Variants in SYTL5 observed in about 807,000 individuals in gnomAD.
The protein encoded by SYTL5 is synaptotagmin like 5, also known as synaptotagmin-like protein 5.
SYTL5 carries 34 observed loss-of-function variants against 55.9 expected under a neutral mutation model. The observed-to-expected ratio is 0.61, with a 90% CI of 0.46 to 0.81. The LOEUF (loss-of-function observed/expected upper bound fraction) is 0.81. SYTL5 is among the 30% of genes least tolerant of loss of function. The pLI is 0.00. For synonymous variants in SYTL5, 221 were observed against 188.7 expected (o/e 1.17, Z -1.40); for missense variants, 637 against 546.7 (o/e 1.17, Z -1.65).
the SYTL5 span, among the ~76,000 whole-genome samples, chrX:37,925,506 G>T: frequency 8.9e-6 from 1 of 112,038 alleles, no homozygotes; most frequent in Non-Finnish European, 1.9e-5. Flanking sequence ...CACCAACAGT[G>T]TATGGTGTTC....
chrX:38,102,920 C>T, intron 10 of SYTL5: 1 of 541,057 alleles, frequency 1.8e-6, no homozygotes, highest in East Asian at 3.7e-5. Flanking sequence ...GAGAGGAAGG[C>T]CCTGTGTCCT....
the SYTL5 span, among the ~76,000 whole-genome samples, chrX:37,905,845 G>T: frequency 8.8e-6 from 1 of 113,275 alleles, no homozygotes. Flanking sequence ...GGCGGGCTGT[G>T]CCTGGCGCGA....
chrX:37,950,012 A>G, the SYTL5 span, among the ~76,000 whole-genome samples: 1 of 111,585 alleles, frequency 9.0e-6, no homozygotes, highest in Non-Finnish European at 1.9e-5. Context: ...AGTGATTTGT[A>G]TCCTTTGTTG....
the SYTL5 span, among the ~76,000 whole-genome samples, chrX:37,943,282 T>C: frequency 2.4e-4 from 27 of 112,054 alleles, no homozygotes; most frequent in Non-Finnish European, 4.5e-4. Context: ...TGCTGGCTTA[T>C]GTTAAAGAAG....
At chrX:38,011,357 C>T (rs1934176531) in intron 1 of SYTL5, among the ~76,000 whole-genome samples, 1 of 111,643 alleles carries the variant, frequency 9.0e-6, no homozygotes, top group Non-Finnish European at 1.9e-5. Flanking sequence ...GCTGGCCGGG[C>T]GCGGTGGCTC....
At chrX:37,979,230 C>T in the SYTL5 span, among the ~76,000 whole-genome samples, 1 of 109,203 alleles carries the variant, frequency 9.2e-6, no homozygotes, top group African/African-American at 3.3e-5. Context: ...GAAAAGTGGG[C>T]GGGAGGGGAA....
chrX:37,961,030 T>C, the SYTL5 span, among the ~76,000 whole-genome samples: 61 of 109,840 alleles, frequency 5.6e-4, no homozygotes, highest in African/African-American at 2.0e-3. Context: ...ATGATCCACC[T>C]GCCTCGGCCT....
At chrX:37,983,947 T>C in the SYTL5 span, among the ~76,000 whole-genome samples, 1 of 111,191 alleles carries the variant, frequency 9.0e-6, no homozygotes. Flanking sequence ...TGAATGAAAA[T>C]ATAAACATCA....
At chrX:37,991,087 A>G in the SYTL5 span, 783 of 1,209,421 alleles carry the variant, frequency 6.5e-4, 1 homozygote, top group Non-Finnish European at 8.2e-4. Flanking sequence ...AACACTTCAC[A>G]AGATAGGGAG....
upstream of SYTL5, chrX:38,006,473 G>A (rs1274435575): frequency 2.7e-5 from 3 of 111,650 alleles, no homozygotes; most frequent in Non-Finnish European, 3.8e-5. Flanking sequence ...TCTTGAAATA[G>A]CTGTCTGCAA....
chrX:38,013,969 CCTCCCCAA>C (rs1440505263), intron 1 of SYTL5, among the ~76,000 whole-genome samples: 4 of 111,252 alleles, frequency 3.6e-5, no homozygotes, highest in Non-Finnish European at 5.7e-5. Flanking sequence ...AGCATCAGGA[CCTCCCCAA>C]TCTCATTTTC....
chrX:38,082,387 T>C (rs1328427537), intron 6 of SYTL5, among the ~76,000 whole-genome samples: 1 of 112,381 alleles, frequency 8.9e-6, no homozygotes, highest in Non-Finnish European at 1.9e-5. Context: ...TAGATAGCCT[T>C]TCTTCTTCTA....
At chrX:38,019,364 A>G (rs777840945) in intron 1 of SYTL5, among the ~76,000 whole-genome samples, 4 of 111,251 alleles carry the variant, frequency 3.6e-5, no homozygotes, top group Non-Finnish European at 7.5e-5. Context: ...GTTAGTCACT[A>G]TTTCTTCTGG....
chrX:38,031,377 G>A lies in SYTL5; in HGVS notation c.-356-2157G>A, dbSNP rs185564346. 9.0e-4 allele frequency among the ~76,000 whole-genome samples: 100 copies of A among 111,130 alleles called. 1 individual carries two copies. Among genetic ancestry groups the A allele is most frequent in the Admixed American group, 7.7e-4 (8 of 10,428 alleles). The stretch of plus-strand genomic sequence containing the variant: ...CTCTTATATTCTCACTTGATCTCTC[G>A]TCTTCTCTGTCACCTTCATGTGCTA... On this transcript the variant is annotated intron_variant, in intron 1 of 16. Transcript: ENST00000297875.
chrX:37,896,526 G>T, the SYTL5 span, among the ~76,000 whole-genome samples: 1 of 111,451 alleles, frequency 9.0e-6, no homozygotes, highest in Non-Finnish European at 1.9e-5. Flanking sequence ...ACAAGCAGAG[G>T]TTTGAAAAGT....
intron 7 of SYTL5, among the ~76,000 whole-genome samples, chrX:38,090,154 G>T (rs917043847): frequency 5.4e-5 from 6 of 111,972 alleles, no homozygotes; most frequent in African/African-American, 1.9e-4. Context: ...TTGCTATATG[G>T]CTTAAATAAA....
intron 3 of SYTL5, among the ~76,000 whole-genome samples, chrX:38,054,717 T>C (rs986192978): frequency 2.9e-4 from 32 of 110,249 alleles, no homozygotes; most frequent in Non-Finnish European, 5.5e-4. Context: ...CATATCTCTT[T>C]CTTTTTAATC....
At chrX:38,036,134 C>T (rs755450914) in intron 2 of SYTL5, among the ~76,000 whole-genome samples, 9 of 109,237 alleles carry the variant, frequency 8.2e-5, no homozygotes, top group Non-Finnish European at 1.5e-4. Context: ...GGCGAAACCC[C>T]GTCTCTACTA....
chrX:37,926,408 A>G, the SYTL5 span, among the ~76,000 whole-genome samples: 2 of 110,240 alleles, frequency 1.8e-5, no homozygotes, highest in African/African-American at 6.6e-5. Flanking sequence ...CCCCTCCCCA[A>G]TAGAACATGT....
Sources: gnomAD v4.1 joint callset for allele counts (sites outside exome capture counted in the v4.1 genomes callset) on GRCh38, gnomAD v4.1.1 for gene constraint, MANE v1.5 for transcripts, NCBI Gene and HGNC (gene_info 2026-07-23, HGNC 2026-07-21) for gene names.